Variants in SLC2A9 observed in about 807,000 individuals in gnomAD.
SLC2A9 encodes the protein solute carrier family 2, facilitated glucose transporter member 9.
Under a neutral mutation model 50.6 loss-of-function variants are expected in SLC2A9, and 39 were observed. That is an observed-to-expected ratio of 0.77 (90% CI 0.60 to 1.01). The LOEUF is 1.01. SLC2A9 is among the 50% of genes least tolerant of loss of function. The pLI is 0.00. For synonymous variants in SLC2A9, 324 were observed against 276.9 expected (o/e 1.17, Z -1.69); for missense variants, 686 against 677.6 (o/e 1.01, Z -0.14).
At chr4:9,947,209 G>C (rs1749348105) in intron 5 of SLC2A9, among the ~76,000 whole-genome samples, 1 of 152,154 alleles carries the variant, frequency 6.6e-6, no homozygotes, top group Admixed American at 6.5e-5. Flanking sequence ...ACTTTCCGAG[G>C]GTTCTGGAGT....
intron 3 of SLC2A9, among the ~76,000 whole-genome samples, chr4:9,789,608 C>T (rs141513556): frequency 1.5e-3 from 226 of 152,284 alleles, no homozygotes; most frequent in African/African-American, 3.3e-3. Flanking sequence ...GAGAGTTAAG[C>T]GGAGAATGTT....
At chr4:9,776,850 G>A (rs1330207422), downstream of SLC2A9, among the ~76,000 whole-genome samples, 1 of 152,124 alleles carries the variant, frequency 6.6e-6, no homozygotes, top group African/African-American at 2.4e-5. Context: ...AAATCCTCAT[G>A]CCCTCACCAT....
intron 9 of SLC2A9, 85 bp from the exon 10 acceptor site, chr4:9,887,727 C>T: frequency 1.8e-5 from 21 of 1,153,450 alleles, no homozygotes; most frequent in Non-Finnish European, 2.5e-5. Flanking sequence ...CTCCTCCATC[C>T]ATCTGTGTGA....
At chr4:9,910,144 T>C (rs1432145479) in intron 7 of SLC2A9, among the ~76,000 whole-genome samples, 1 of 152,240 alleles carries the variant, frequency 6.6e-6, no homozygotes. Flanking sequence ...CTTGCAGGCA[T>C]GGATACATCC....
chr4:9,993,616 C>T (rs3775947), intron 3 of SLC2A9, among the ~76,000 whole-genome samples: 107,439 of 151,830 alleles, frequency 0.71, 38,212 homozygotes, highest in Non-Finnish European at 0.76. Flanking sequence ...AAGCTGGGCC[C>T]GTAGCTAGTG....
At chr4:9,870,773 C>G (rs1733297725) in intron 10 of SLC2A9, among the ~76,000 whole-genome samples, 1 of 152,222 alleles carries the variant, frequency 6.6e-6, no homozygotes, top group African/African-American at 2.4e-5. Context: ...GCCACCTAAA[C>G]TATGTGCCAT....
intron 5 of SLC2A9, among the ~76,000 whole-genome samples, chr4:9,946,118 T>C (rs1749098593): frequency 6.6e-6 from 1 of 152,182 alleles, no homozygotes; most frequent in South Asian, 2.1e-4. Flanking sequence ...AGCGTCCATC[T>C]AGGAGAACAC....
chr4:9,789,607 G>A (rs1461474876), intron 3 of SLC2A9, among the ~76,000 whole-genome samples: 2 of 152,250 alleles, frequency 1.3e-5, no homozygotes, highest in African/African-American at 4.8e-5. Context: ...GGAGAGTTAA[G>A]CGGAGAATGT....
At chr4:9,894,490 G>A (rs996699074) in intron 8 of SLC2A9, among the ~76,000 whole-genome samples, 21 of 152,254 alleles carry the variant, frequency 1.4e-4, no homozygotes, top group East Asian at 5.8e-4. Context: ...GATTTTCTCC[G>A]GAGAGTTTTG....
intron 5 of SLC2A9, among the ~76,000 whole-genome samples, chr4:9,944,447 C>G (rs999558069): frequency 6.6e-6 from 1 of 152,192 alleles, no homozygotes; most frequent in Non-Finnish European, 1.5e-5. Context: ...AGCCTTTGAT[C>G]CCTGGTCTCT....
intron 2 of SLC2A9, among the ~76,000 whole-genome samples, chr4:10,011,284 C>A (rs1761721944): frequency 6.6e-6 from 1 of 152,164 alleles, no homozygotes; most frequent in African/African-American, 2.4e-5. Context: ...CTGTATCAGC[C>A]CTGTCTGCCC....
chr4:9,782,457 C>T, intron 3 of SLC2A9: 1 of 1,613,988 alleles, frequency 6.2e-7, no homozygotes, highest in Non-Finnish European at 8.5e-7. Context: ...TGGGCCATCT[C>T]CAGGCCCTTC....
At chr4:9,922,139 C>A (rs780795391) in intron 6 of SLC2A9, among the ~76,000 whole-genome samples, 2 of 152,110 alleles carry the variant, frequency 1.3e-5, no homozygotes, top group Non-Finnish European at 2.9e-5. Flanking sequence ...TTTTCTTTAT[C>A]CAGTCTATCA....
At chr4:9,880,117 CT>C (rs1200267915) in intron 10 of SLC2A9, 61 of 985,344 alleles carry the variant, frequency 6.2e-5, no homozygotes, top group Non-Finnish European at 7.0e-5. Context: ...GGTGGCTCCC[CT>C]GGGGACTTGC....
At chr4:9,952,128 G>C (rs1017724591) in intron 5 of SLC2A9, among the ~76,000 whole-genome samples, 1 of 152,198 alleles carries the variant, frequency 6.6e-6, no homozygotes, top group African/African-American at 2.4e-5. Flanking sequence ...CTACTCCTCA[G>C]TTTGCTCATC....
At chr4:10,028,747 T>G (rs968144361) in intron 1 of SLC2A9, among the ~76,000 whole-genome samples, 2 of 152,194 alleles carry the variant, frequency 1.3e-5, no homozygotes, top group Non-Finnish European at 2.9e-5. Flanking sequence ...ACCCTGGCAT[T>G]AGGTCAGAGT....
chr4:9,996,730 T>C lies in SLC2A9; in HGVS notation c.410+51A>G, dbSNP rs1560459005. 3 of 1,602,156 alleles carry C rather than the reference T, an allele frequency of 1.9e-6. No individual in the cohort carries two copies. In the African/African-American group the frequency reaches 4.0e-5, roughly 21 times the overall value. On this transcript the variant is annotated intron_variant, in intron 3 of 11. Coordinates refer to ENST00000264784, the MANE Select transcript of SLC2A9 (RefSeq NM_020041.3). ...GTCAGGACCCTGACAATGACACAGATATATTATGAACATGGAGGGCACCCC... is the reference window on the plus strand; with the variant it reads ...GTCAGGACCCTGACAATGACACAGACATATTATGAACATGGAGGGCACCCC...
At chr4:9,802,282 T>TA (rs397992223) in intron 3 of SLC2A9, among the ~76,000 whole-genome samples, 109 of 150,830 alleles carry the variant, frequency 7.2e-4, no homozygotes, top group Admixed American at 1.9e-3. Context: ...TTTTTTTTTT[T>TA]AAACTAGAGC....
intron 7 of SLC2A9, among the ~76,000 whole-genome samples, chr4:9,912,296 TAAAA>T (rs546314794): frequency 6.8e-6 from 1 of 146,494 alleles, no homozygotes; most frequent in African/African-American, 2.5e-5. Context: ...ATAATAATAA[TAAAA>T]AAAAAAGAAA....
Sources: allele counts gnomAD v4.1 joint callset (sites outside exome capture counted in the v4.1 genomes callset), GRCh38; gene constraint gnomAD v4.1.1; transcripts MANE v1.5; gene names NCBI Gene and HGNC (gene_info 2026-07-23, HGNC 2026-07-21).